Variants in ZSWIM6 observed in about 807,000 individuals in gnomAD.
The protein encoded by ZSWIM6 is zinc finger SWIM-type containing 6.
In ZSWIM6, 9 loss-of-function variants were observed where a neutral mutation model predicts 113.2. That is an observed-to-expected ratio of 0.08 (90% CI 0.05 to 0.14). The LOEUF is 0.14. Ranked by LOEUF, ZSWIM6 falls within the 10% of genes least tolerant of loss-of-function variation. The pLI is 1.00. For synonymous variants in ZSWIM6, 611 were observed against 606.5 expected (o/e 1.01, Z -0.11); for missense variants, 1,162 against 1,552.2 (o/e 0.75, Z 4.22).
chr5:61,422,013 C>T (rs986642215), intron 1 of ZSWIM6, among the ~76,000 whole-genome samples: 8 of 152,184 alleles, frequency 5.3e-5, no homozygotes, highest in Admixed American at 2.6e-4. Flanking sequence ...TGCGAGTTGT[C>T]TCTTCAGTTT....
At chr5:61,510,085 A>G (rs565087165) in intron 4 of ZSWIM6, among the ~76,000 whole-genome samples, 2 of 152,124 alleles carry the variant, frequency 1.3e-5, no homozygotes, top group Non-Finnish European at 2.9e-5. Flanking sequence ...GGGAACTGCC[A>G]CCACCGAGAG....
chr5:61,455,160 AT>A (rs2112161988), intron 1 of ZSWIM6, among the ~76,000 whole-genome samples: 1 of 152,310 alleles, frequency 6.6e-6, no homozygotes, highest in South Asian at 2.1e-4. Context: ...TATAAAAAAA[AT>A]AGTTTTCTTC....
At chr5:61,452,397 G>A (rs1417863669) in intron 1 of ZSWIM6, among the ~76,000 whole-genome samples, 1 of 151,980 alleles carries the variant, frequency 6.6e-6, no homozygotes, top group Non-Finnish European at 1.5e-5. Context: ...ATGTCTCTTG[G>A]TGCACGTGTG....
Position 61,494,201 on chromosome 5 carries a change from G to T in ZSWIM6, c.1183-59G>T, listed in dbSNP as rs75478855. 8,813 of 1,516,332 alleles carry T rather than the reference G, an allele frequency of 5.8e-3. 59 individuals are homozygous for T. The highest frequency in any genetic ancestry group is 0.02 in the South Asian group (1,644 of 81,760). The allele number at this position is 1,516,332 out of a possible 1,614,324, so 93.9% of individuals were successfully genotyped here. On this transcript the variant is annotated intron_variant, in intron 3 of 13. Coordinates refer to ENST00000252744, the MANE Select transcript of ZSWIM6 (RefSeq NM_020928.2). ...GGTGGTTTGTCTCTTGTGTTGCTGT[G>T]GGGTTTTGTTGTGTTTTCGTTTTGA...
rs572213338 is a variant in ZSWIM6, at chr5:61,495,421, T to A, written c.1333+1011T>A. On this transcript the variant is annotated intron_variant, in intron 4 of 13. Transcript: ENST00000252744. The stretch of plus-strand genomic sequence containing the variant: ...AAGTTGGTAAAGGATGTGATATCAG[T>A]ATTTTCTTTTTCCTATTAATAGGAT... 9.2e-4 allele frequency among the ~76,000 whole-genome samples: 140 copies of A among 152,302 alleles called. 2 individuals carry two copies. In the South Asian group the frequency reaches 0.028, roughly 31 times the overall value.
Position 61,472,704 on chromosome 5 carries a change from A to G in ZSWIM6, c.700A>G (p.Thr234Ala). Residue 234 changes from threonine to alanine, a missense_variant, in exon 2 of 14, where the codon ACA becomes GCA. Transcript: ENST00000252744. The surrounding 1 kb of genome is among the most constrained non-coding windows in gnomAD (Gnocchi z 4.1). Reference protein sequence around the residue: ...QVGFHLSGTVTEPAIQSEPET... With the variant: ...QVGFHLSGTVAEPAIQSEPET... Reference sequence around the variant, plus strand: ...AGGTTTCCACTTGAGCGGCACAGTGACAGAACCTGCAATACAATCGGAGCC... The same window carrying G: ...AGGTTTCCACTTGAGCGGCACAGTGGCAGAACCTGCAATACAATCGGAGCC... The G allele has an allele frequency of 6.5e-7, 1 of 1,540,310 alleles. No individual in the cohort carries two copies. The highest frequency in any genetic ancestry group is 8.8e-7 in the Non-Finnish European group (1 of 1,139,844).
chr5:61,405,622 A>G (rs1746028130), intron 1 of ZSWIM6, among the ~76,000 whole-genome samples: 1 of 152,218 alleles, frequency 6.6e-6, no homozygotes, highest in South Asian at 2.1e-4. Context: ...AAACTTGAGC[A>G]AAGACAACAG....
At chr5:61,334,402 C>G (rs1338278212) in intron 1 of ZSWIM6, among the ~76,000 whole-genome samples, 3 of 152,168 alleles carry the variant, frequency 2.0e-5, no homozygotes, top group Non-Finnish European at 4.4e-5. Context: ...CATGGTGAAC[C>G]CGGCACCGAA....
chr5:61,539,797 T>G (rs1323954935), intron 12 of ZSWIM6, 38 bp downstream of exon 12: 1 of 1,520,854 alleles, frequency 6.6e-7, no homozygotes, highest in Non-Finnish European at 8.8e-7. Flanking sequence ...CATCAAAGAC[T>G]GCTAAATAAA....
At chr5:61,467,099 C>T (rs532376079) in intron 1 of ZSWIM6, among the ~76,000 whole-genome samples, 42 of 152,210 alleles carry the variant, frequency 2.8e-4, no homozygotes, top group African/African-American at 9.9e-4. Flanking sequence ...TTCTTTCTTC[C>T]GCCTGTTGGC....
chr5:61,498,646 T>G (rs970058315), intron 4 of ZSWIM6, among the ~76,000 whole-genome samples: 1 of 152,138 alleles, frequency 6.6e-6, no homozygotes, highest in Non-Finnish European at 1.5e-5. Flanking sequence ...AGCCTACCCT[T>G]TGAGACTATA....
At chr5:61,509,686 T>G (rs774047517) in intron 4 of ZSWIM6, among the ~76,000 whole-genome samples, 6 of 152,174 alleles carry the variant, frequency 3.9e-5, no homozygotes, top group Non-Finnish European at 7.4e-5. Flanking sequence ...AAAACACATT[T>G]AAAAGTCGCT....
chr5:61,541,449 T>C (rs1016564813), intron 12 of ZSWIM6, among the ~76,000 whole-genome samples: 1 of 152,176 alleles, frequency 6.6e-6, no homozygotes, highest in Non-Finnish European at 1.5e-5. Flanking sequence ...AAATGATTAT[T>C]TTAAAATACC....
chr5:61,453,375 TC>T (rs1747125839), intron 1 of ZSWIM6, among the ~76,000 whole-genome samples: 3 of 131,982 alleles, frequency 2.3e-5, no homozygotes, highest in Non-Finnish European at 3.3e-5. Flanking sequence ...CCACTCTCTC[TC>T]TCTTTTTTTT....
intron 4 of ZSWIM6, among the ~76,000 whole-genome samples, chr5:61,504,245 G>A (rs1407893552): frequency 1.3e-5 from 2 of 152,072 alleles, no homozygotes; most frequent in Non-Finnish European, 2.9e-5. Context: ...TGTGTGCCTG[G>A]ACACACACAC....
intron 1 of ZSWIM6, among the ~76,000 whole-genome samples, chr5:61,413,427 G>A (rs1288854913): frequency 1.3e-5 from 2 of 151,790 alleles, no homozygotes; most frequent in African/African-American, 4.8e-5. Context: ...TATCATTGTT[G>A]GACATTTGGC....
At chr5:61,488,452 G>A (rs1448098967) in intron 2 of ZSWIM6, among the ~76,000 whole-genome samples, 1 of 151,876 alleles carries the variant, frequency 6.6e-6, no homozygotes, top group Non-Finnish European at 1.5e-5. Context: ...TTCTTCCTAC[G>A]TTTGGTAGAA....
intron 1 of ZSWIM6, among the ~76,000 whole-genome samples, chr5:61,372,285 A>ATT (rs140751847): frequency 7.0e-6 from 1 of 142,316 alleles, no homozygotes; most frequent in African/African-American, 2.6e-5. Flanking sequence ...CCTCTGCCCT[A>ATT]TTTTTTTTTT....
chr5:61,531,389 G>A (rs1749424846), intron 8 of ZSWIM6, 76 bp from the exon 9 acceptor site: 2 of 1,453,920 alleles, frequency 1.4e-6, no homozygotes, highest in African/African-American at 2.8e-5. Context: ...GTACGGGGAA[G>A]TATAAATATT....
Sources: gnomAD v4.1 joint callset for allele counts (sites outside exome capture counted in the v4.1 genomes callset) on GRCh38, gnomAD v4.1.1 for gene constraint, Gnocchi (gnomAD v3.1) non-coding constraint, MANE v1.5 for transcripts, NCBI Gene and HGNC (gene_info 2026-07-23, HGNC 2026-07-21) for gene names.